SNTG2: variants seen among roughly 807,000 people sequenced by gnomAD.
SNTG2 encodes gamma-2-syntrophin.
In SNTG2, 74 loss-of-function variants were observed where a neutral mutation model predicts 70.9. The ratio of observed to expected loss-of-function variants is 1.04; its 90% CI spans 0.86 to 1.27. The LOEUF (loss-of-function observed/expected upper bound fraction) is 1.27. SNTG2 is among the 50% of genes most tolerant of loss of function. SNTG2 has a pLI of 0.00. For synonymous variants in SNTG2, 278 were observed against 273.8 expected (o/e 1.02, Z -0.15); for missense variants, 717 against 690.7 (o/e 1.04, Z -0.43).
chr2:960,366 CT>C (rs777301841), intron 1 of SNTG2, among the ~76,000 whole-genome samples: 3 of 152,212 alleles, frequency 2.0e-5, no homozygotes, highest in Non-Finnish European at 4.4e-5. Flanking sequence ...TTGTTCTCTC[CT>C]TTGTTGGGAA....
intron 16 of SNTG2, among the ~76,000 whole-genome samples, chr2:1,359,387 A>C (rs1209274672): frequency 6.6e-6 from 1 of 152,066 alleles, no homozygotes; most frequent in African/African-American, 2.4e-5. Flanking sequence ...TTGGGTGCAT[A>C]TTTATTTACA....
At chr2:1,126,347 C>G (rs1263967999) in intron 4 of SNTG2, among the ~76,000 whole-genome samples, 1 of 152,238 alleles carries the variant, frequency 6.6e-6, no homozygotes, top group Non-Finnish European at 1.5e-5. Context: ...TAGTGCTCCA[C>G]TGTGTATATA....
intron 4 of SNTG2, among the ~76,000 whole-genome samples, chr2:1,099,791 C>G (rs116429973): frequency 6.6e-6 from 1 of 151,822 alleles, no homozygotes; most frequent in South Asian, 2.1e-4. Context: ...GCTGTGAACA[C>G]GTTCTCAGGG....
intron 12 of SNTG2, among the ~76,000 whole-genome samples, chr2:1,254,227 C>T (rs763407217): frequency 2.4e-4 from 37 of 152,276 alleles, no homozygotes; most frequent in South Asian, 4.2e-4. Flanking sequence ...GAGGAGGGCC[C>T]GGCCCACCCT....
intron 4 of SNTG2, among the ~76,000 whole-genome samples, chr2:1,133,325 CAAG>C: frequency 6.6e-6 from 1 of 152,248 alleles, no homozygotes; most frequent in East Asian, 1.9e-4. Flanking sequence ...AATTAATTTT[CAAG>C]AAAACACAAT....
At chr2:1,216,013 A>T (rs1674367098) in intron 9 of SNTG2, among the ~76,000 whole-genome samples, 1 of 152,216 alleles carries the variant, frequency 6.6e-6, no homozygotes, top group South Asian at 2.1e-4. Context: ...CACATTGAAC[A>T]TACGTGTGCA....
chr2:1,221,440 T>G, intron 9 of SNTG2, among the ~76,000 whole-genome samples: 2 of 146,742 alleles, frequency 1.4e-5, no homozygotes, highest in Non-Finnish European at 3.0e-5. Context: ...TCTCTCTGTC[T>G]CTGTCTCTGT....
rs1660709150 is a variant in SNTG2 at position 1,353,877 on chromosome 2, T to C, written c.1489-13466T>C. The C allele has an allele frequency of 6.6e-6, 1 of 152,134 alleles. No individual in the cohort carries two copies. The allele number at this position is 152,134 out of a possible 1,614,324, so 9.4% of individuals were successfully genotyped here. On this transcript the variant is annotated intron_variant, in intron 16 of 16. Coordinates refer to ENST00000308624, the MANE Select transcript of SNTG2 (RefSeq NM_018968.4). The surrounding 1 kb of genome is among the most constrained non-coding windows in gnomAD (Gnocchi z 4.2). ...TTGAGGACATTTGGTAATATTAGCA[T>C]TTATGTGTTGATTGAAAGTGTCACT...
intron 1 of SNTG2, among the ~76,000 whole-genome samples, chr2:983,612 C>G (rs1164371190): frequency 2.6e-5 from 4 of 152,260 alleles, no homozygotes; most frequent in Non-Finnish European, 5.9e-5. Context: ...TGCCCTTCTC[C>G]TGTTCTGCAC....
At chr2:1,201,516 TTTTC>T (rs2147969255) in intron 8 of SNTG2, among the ~76,000 whole-genome samples, 1 of 151,970 alleles carries the variant, frequency 6.6e-6, no homozygotes, top group South Asian at 2.1e-4. Flanking sequence ...ATTTCACATA[TTTTC>T]TTCTAGGTAT....
At chr2:1,203,673 A>AT (rs1553355185) in intron 8 of SNTG2, among the ~76,000 whole-genome samples, 9,425 of 114,394 alleles carry the variant, frequency 0.082, 386 homozygotes, top group Middle Eastern at 0.11. Flanking sequence ...CAAAAAAAAA[A>AT]ATATATATAT....
In SNTG2 at chr2:950,934, C is replaced by G; in HGVS notation, c.-63C>G. 1 of 886,478 alleles carries G rather than the reference C, an allele frequency of 1.1e-6. No individual in the cohort carries two copies. Among genetic ancestry groups the G allele is most frequent in the Non-Finnish European group, 1.5e-6 (1 of 686,002 alleles). The allele number at this position is 886,478 out of a possible 1,614,324, so 54.9% of individuals were successfully genotyped here. ...GCGCCTGGCGGGGCCCTGGGAGGCT[C>G]GGACGGGGTCCTGGCGTTGAGCTCG... is the stretch of plus-strand genomic sequence containing the variant. On this transcript the variant is annotated 5_prime_UTR_variant, in exon 1 of 17. Coordinates refer to ENST00000308624, the MANE Select transcript of SNTG2 (RefSeq NM_018968.4).
At chr2:1,297,499 T>C (rs767552580) in intron 14 of SNTG2, among the ~76,000 whole-genome samples, 2 of 152,046 alleles carry the variant, frequency 1.3e-5, no homozygotes, top group Non-Finnish European at 2.9e-5. Flanking sequence ...GCCCGGCGCC[T>C]CTGCAGCTCC....
At chr2:1,222,101 C>G (rs1332228738) in intron 9 of SNTG2, among the ~76,000 whole-genome samples, 1 of 61,866 alleles carries the variant, frequency 1.6e-5, no homozygotes, top group Non-Finnish European at 3.3e-5. Flanking sequence ...CTCTGTCTCT[C>G]TCTGTCTCTC....
At chr2:1,274,127 A>G (rs1679172601) in intron 14 of SNTG2, among the ~76,000 whole-genome samples, 2 of 152,238 alleles carry the variant, frequency 1.3e-5, no homozygotes, top group Admixed American at 1.3e-4. Flanking sequence ...GTAAATTTTA[A>G]AAGACTGATG....
chr2:1,002,364 A>T (rs1049460035), intron 1 of SNTG2, among the ~76,000 whole-genome samples: 1 of 152,160 alleles, frequency 6.6e-6, no homozygotes, highest in Admixed American at 6.6e-5. Context: ...TTAGTGAGTA[A>T]CTAATATCCA....
chr2:1,170,457 G>A (rs946099416), intron 7 of SNTG2, among the ~76,000 whole-genome samples: 2 of 152,146 alleles, frequency 1.3e-5, no homozygotes, highest in Non-Finnish European at 2.9e-5. Context: ...GAAGGGCCTT[G>A]AAGGCCAGGC....
chr2:1,353,183 C>T lies in SNTG2; in HGVS notation c.1489-14160C>T, dbSNP rs1360979269. Among the ~76,000 whole-genome samples the T allele has an allele frequency of 1.3e-5, 2 of 152,148 alleles. No homozygotes were observed. Among genetic ancestry groups the T allele is most frequent in the Non-Finnish European group, 2.9e-5 (2 of 68,020 alleles). On this transcript the variant is annotated intron_variant, in intron 16 of 16. Transcript: ENST00000308624. The surrounding 1 kb of genome is among the most constrained non-coding windows in gnomAD (Gnocchi z 4.2). Reference sequence around the variant, plus strand: ...ATACCTCAGCAGTGAGCAAAGGCTGCACATCAGGCCCCCTCCATCCCCAGG... The same window carrying T: ...ATACCTCAGCAGTGAGCAAAGGCTGTACATCAGGCCCCCTCCATCCCCAGG...
chr2:1,309,819 A>T (rs1680893132), intron 15 of SNTG2, among the ~76,000 whole-genome samples: 1 of 152,262 alleles, frequency 6.6e-6, no homozygotes, highest in Non-Finnish European at 1.5e-5. Flanking sequence ...ATCCAGGTCC[A>T]TAATTCTATG....
Sources: allele counts gnomAD v4.1 joint callset (sites outside exome capture counted in the v4.1 genomes callset), GRCh38; gene constraint gnomAD v4.1.1; non-coding constraint Gnocchi (gnomAD v3.1); transcripts MANE v1.5; gene names NCBI Gene and HGNC (gene_info 2026-07-23, HGNC 2026-07-21).